Variants in MYOM2 observed in about 807,000 individuals in gnomAD.
MYOM2 encodes the protein myomesin-2.
Under a neutral mutation model 187.6 loss-of-function variants are expected in MYOM2, and 254 were observed. The ratio of observed to expected loss-of-function variants is 1.35; its 90% confidence interval spans 1.22 to 1.50. The LOEUF (loss-of-function observed/expected upper bound fraction) is 1.50, where lower values mean the gene tolerates loss of function less well. Ranked by LOEUF, MYOM2 falls within the 40% of genes most tolerant of loss-of-function variation. The pLI, the probability that MYOM2 is intolerant of heterozygous loss-of-function variation, is 0.00. For missense variants in MYOM2, 2,796 were observed against 1,924.0 expected (o/e 1.45, Z -8.48); for synonymous variants, 981 against 753.8 (o/e 1.30, Z -4.94).
At chr8:2,069,689 G>A (rs892469179) in intron 8 of MYOM2, among the ~76,000 whole-genome samples, 192 bp downstream of exon 8, 2 of 151,962 alleles carry the variant, frequency 1.3e-5, no homozygotes, top group African/African-American at 4.8e-5. Flanking sequence ...TCACACCTAA[G>A]GGTCAAATCT....
At chr8:2,140,632 G>C in intron 32 of MYOM2, 91 bp from the exon 33 acceptor site, 2 of 1,320,372 alleles carry the variant, frequency 1.5e-6, no homozygotes, top group Non-Finnish European at 2.1e-6. Context: ...GCTTAGAGAA[G>C]GCTGTCACAG....
At chr8:2,136,410 G>A (rs1798072524) in intron 32 of MYOM2, among the ~76,000 whole-genome samples, 1 of 152,212 alleles carries the variant, frequency 6.6e-6, no homozygotes, top group Non-Finnish European at 1.5e-5. Flanking sequence ...GGGCCAGTGT[G>A]TGATTTGGTG....
intron 32 of MYOM2, among the ~76,000 whole-genome samples, chr8:2,132,911 C>T (rs528719609): frequency 3.4e-3 from 524 of 152,322 alleles, no homozygotes; most frequent in Non-Finnish European, 5.7e-3. Context: ...GGCACATCTT[C>T]GTCCTTATGT....
At position 2,094,059 on chromosome 8, in the gene MYOM2, A is replaced by G; in HGVS notation, c.2093A>G (p.Glu698Gly). The change falls in exon 17 of 37, where the codon GAA becomes GGA. Residue 698 changes from glutamate to glycine, a missense_variant. Coordinates refer to ENST00000262113, the MANE Select transcript of MYOM2 (RefSeq NM_003970.4). ...GTGGGGATGAGTGAAAATTCCCAGG[A>G]ATCAGACGTCATAAAAGTGCAGGCC... Reference protein sequence around the residue: ...NAVGMSENSQESDVIKVQAAL... With the variant: ...NAVGMSENSQGSDVIKVQAAL... 6.2e-7 allele frequency: 1 copy of G among 1,614,152 alleles called. No individual in the cohort carries two copies. Among genetic ancestry groups the G allele is most frequent in the South Asian group, 1.1e-5 (1 of 91,082 alleles).
At chr8:2,048,977 G>C (rs974604853) in intron 1 of MYOM2, among the ~76,000 whole-genome samples, 2 of 151,798 alleles carry the variant, frequency 1.3e-5, no homozygotes, top group African/African-American at 4.8e-5. Context: ...TTTTTTAGTA[G>C]AGACGGGGTT....
intron 1 of MYOM2, among the ~76,000 whole-genome samples, chr8:2,048,175 G>A (rs1025540548): frequency 1.3e-5 from 2 of 152,252 alleles, no homozygotes; most frequent in African/African-American, 2.4e-5. Context: ...AGCCCCTGCT[G>A]CAATAGCAGG....
intron 14 of MYOM2, among the ~76,000 whole-genome samples, chr8:2,088,567 C>G (rs1305415067): frequency 5.3e-5 from 8 of 152,236 alleles, no homozygotes; most frequent in Admixed American, 4.6e-4. Context: ...ATAACAGCCT[C>G]CAGCTGCACC....
At chr8:2,140,000 G>GCAC (rs1421715161) in intron 32 of MYOM2, among the ~76,000 whole-genome samples, 5 of 152,010 alleles carry the variant, frequency 3.3e-5, no homozygotes, top group Non-Finnish European at 7.4e-5. Flanking sequence ...CATCGTGCAG[G>GCAC]CACCACCACC....
rs113129080 is a variant in MYOM2, at chr8:2,089,756, A to G, written c.1645-252A>G. ...ATTCCCTTATGTTTTCTATGGTTTA[A>G]TTATTTACTTTAATGGAAAAAAATT... On this transcript the variant is annotated intron_variant, in intron 14 of 36. Coordinates refer to ENST00000262113, the MANE Select transcript of MYOM2 (RefSeq NM_003970.4). Among the ~76,000 whole-genome samples, 1,521 of 152,312 alleles carry G rather than the reference A, an allele frequency of 1.0e-2. 27 individuals carry two copies. Among genetic ancestry groups the G allele is most frequent in the African/African-American group, 0.035 (1,465 of 41,560 alleles).
intron 21 of MYOM2, among the ~76,000 whole-genome samples, chr8:2,105,025 G>A (rs7842103): frequency 0.56 from 84,979 of 151,928 alleles, 24,236 homozygotes; most frequent in African/African-American, 0.66. Context: ...CGATCCTCTG[G>A]CCTCGGCCTC....
chr8:2,085,354 C>A lies in MYOM2; in HGVS notation c.1608C>A (p.Pro536=). The change falls in exon 14 of 37, where the codon CCC becomes CCA. Residue 536 remains proline (P), a synonymous_variant. Transcript: ENST00000262113. ...YVVLSWEPPT[P]RGKDPLMYFI... ...TCCTCAGCTGGGAGCCACCCACTCC[C>A]CGTGGCAAGGACCCGCTCATGTACT... 6.2e-7 allele frequency: 1 copy of A among 1,614,144 alleles called. No individual in the cohort carries two copies. Among genetic ancestry groups the A allele is most frequent in the Non-Finnish European group, 8.5e-7 (1 of 1,180,014 alleles).
chr8:2,079,948 T>G (rs2129337281), intron 13 of MYOM2, among the ~76,000 whole-genome samples: 1 of 152,352 alleles, frequency 6.6e-6, no homozygotes. Flanking sequence ...TGTAAGATCC[T>G]TTCTCACAGA....
At chr8:2,118,583 G>A (rs2116843885) in intron 28 of MYOM2, among the ~76,000 whole-genome samples, 1 of 152,286 alleles carries the variant, frequency 6.6e-6, no homozygotes, top group East Asian at 1.9e-4. Flanking sequence ...TGTGCCAAGG[G>A]GACTAAGAAT....
In MYOM2 at chr8:2,089,992, C is replaced by A; in HGVS notation, c.1645-16C>A. 6.2e-7 allele frequency: 1 copy of A among 1,612,438 alleles called. No individual in the cohort carries two copies. Among genetic ancestry groups the A allele is most frequent in the Non-Finnish European group, 8.5e-7 (1 of 1,178,942 alleles). Reference sequence around the variant, plus strand: ...GCGGTTTTCACTGCCAGTCTCGTTTCTGTTTCTCTTTGTAGTCCGTGGTGG... The same window carrying A: ...GCGGTTTTCACTGCCAGTCTCGTTTATGTTTCTCTTTGTAGTCCGTGGTGG... On this transcript the variant is annotated splice_polypyrimidine_tract_variant and intron_variant, in intron 14 of 36. Coordinates refer to ENST00000262113, the MANE Select transcript of MYOM2 (RefSeq NM_003970.4).
At chr8:2,121,260 G>GT (rs1320384389) in intron 28 of MYOM2, among the ~76,000 whole-genome samples, 1 of 152,130 alleles carries the variant, frequency 6.6e-6, no homozygotes, top group Non-Finnish European at 1.5e-5. Context: ...GTGTGACTTG[G>GT]TTATGGTGCT....
chr8:2,103,971 G>A (rs556301983), intron 21 of MYOM2, among the ~76,000 whole-genome samples: 3 of 152,146 alleles, frequency 2.0e-5, no homozygotes, highest in Non-Finnish European at 4.4e-5. Context: ...AAAAGATTTG[G>A]ATGGCAAATG....
rs1563067482 is a variant in MYOM2, at chr8:2,117,919, C to T, written c.3420C>T (p.Val1140=). Residue 1140 remains valine, a synonymous_variant, in exon 28 of 37, where the codon GTC becomes GTT. Coordinates refer to ENST00000262113, the MANE Select transcript of MYOM2 (RefSeq NM_003970.4). ...TTGCTGAGTACTTGCACTGGGATGT[C>T]ACGGAAGAATGTGAAGTTCGACTTG... ...PHFAEYLHWD[V]TEECEVRLVC... is the part of the protein sequence containing the mutation. 1 of 1,613,230 alleles carries T rather than the reference C, an allele frequency of 6.2e-7. No homozygotes were observed. The highest frequency in any genetic ancestry group is 8.5e-7 in the Non-Finnish European group (1 of 1,179,624).
chr8:2,124,478 T>G (rs1044153197), intron 31 of MYOM2, among the ~76,000 whole-genome samples: 1 of 152,246 alleles, frequency 6.6e-6, no homozygotes, highest in Non-Finnish European at 1.5e-5. Flanking sequence ...CCATCCTGTC[T>G]TAGGTTAATT....
intron 25 of MYOM2, among the ~76,000 whole-genome samples, chr8:2,113,774 C>A (rs1314072673): frequency 6.6e-6 from 1 of 152,200 alleles, no homozygotes; most frequent in African/African-American, 2.4e-5. Flanking sequence ...GTGTCAGAGA[C>A]CACAGCCACC....
Sources: allele counts gnomAD v4.1 joint callset (sites outside exome capture counted in the v4.1 genomes callset), GRCh38; gene constraint gnomAD v4.1.1; transcripts MANE v1.5; gene names NCBI Gene and HGNC (gene_info 2026-07-23, HGNC 2026-07-21).